The following HERC1 variants were observed in gnomAD, a reference collection of about 807,000 sequenced individuals.
HERC1 encodes the protein HECT and RLD domain containing E3 ubiquitin protein ligase family member 1.
Under a neutral mutation model 554.3 loss-of-function variants are expected in HERC1, and 160 were observed. The ratio of observed to expected loss-of-function variants is 0.29; its 90% CI spans 0.25 to 0.33. The LOEUF is 0.33. HERC1 is among the 10% of genes least tolerant of loss of function. The pLI, the probability that HERC1 is intolerant of heterozygous loss-of-function variation, is 1.00. For synonymous variants in HERC1, 2,175 were observed against 2,131.7 expected, an observed-to-expected ratio of 1.02 and a Z score of -0.56; for missense variants, 4,919 against 5,918.5, an observed-to-expected ratio of 0.83 and a Z score of 5.54.
At chr15:63,751,894 T>C (rs1457174978) in intron 8 of HERC1, among the ~76,000 whole-genome samples, 3 of 152,028 alleles carry the variant, frequency 2.0e-5, no homozygotes, top group African/African-American at 4.8e-5. Context: ...TATTGGATAA[T>C]CTATAGAAAC....
At chr15:63,818,172 TA>T (rs2077561153) in intron 1 of HERC1, among the ~76,000 whole-genome samples, 1 of 152,170 alleles carries the variant, frequency 6.6e-6, no homozygotes, top group Non-Finnish European at 1.5e-5. Context: ...TATTTATTTT[TA>T]AATTTTTTTT....
Position 63,774,668 on chromosome 15 carries a change from T to G in HERC1, c.930+26A>C, listed in dbSNP as rs368001971. 2.0e-6 allele frequency: 3 copies of G among 1,516,164 alleles called. No individual in the cohort carries two copies. In the Admixed American group the frequency reaches 6.6e-5, roughly 34 times the overall value. 93.9% of individuals were successfully genotyped at this position (1,516,164 alleles called of 1,614,324 possible). A position where few individuals can be genotyped will look rare whatever the true frequency, so the allele number is the denominator to read the frequency against. On this transcript the variant is annotated intron_variant, in intron 2 of 77. Coordinates refer to ENST00000443617, the MANE Select transcript of HERC1 (RefSeq NM_003922.4). ...ACTTTTCCAAAAACTATTATGAACT[T>G]TAAAGTTGAGACTTATAGTACGTAC...
intron 1 of HERC1, among the ~76,000 whole-genome samples, chr15:63,827,851 T>C (rs905279532): frequency 2.0e-5 from 3 of 152,130 alleles, no homozygotes; most frequent in Admixed American, 6.6e-5. Context: ...GGATGAACCT[T>C]GACAAAATTA....
In HERC1 at chr15:63,716,195, C is replaced by T. The variant is rs1357889702; in HGVS notation, c.4150+107G>A. 1.2e-4 allele frequency: 122 copies of T among 992,048 alleles called. 2 individuals are homozygous for T. The highest frequency in any genetic ancestry group is 1.1e-3 in the South Asian group (69 of 62,968). 61.5% of individuals were successfully genotyped at this position (992,048 alleles called of 1,614,324 possible). On this transcript the variant is annotated intron_variant, in intron 22 of 77. Coordinates refer to ENST00000443617, the MANE Select transcript of HERC1 (RefSeq NM_003922.4). ...TGAGATCACCAGCAGAATATAAAGTCCTTTTAGAAAAACTATGGAGAAACT... is the reference window on the plus strand; with the variant it reads ...TGAGATCACCAGCAGAATATAAAGTTCTTTTAGAAAAACTATGGAGAAACT...
intron 65 of HERC1, among the ~76,000 whole-genome samples, chr15:63,635,421 G>A (rs991325642): frequency 1.3e-5 from 2 of 152,118 alleles, no homozygotes; most frequent in East Asian, 1.9e-4. Flanking sequence ...GCCTCAGGAA[G>A]CCCAAGCTGA....
In HERC1 at chr15:63,734,957, G is replaced by T; in HGVS notation, c.2521-108C>A. On this transcript the variant is annotated intron_variant, in intron 12 of 77. Coordinates refer to ENST00000443617, the MANE Select transcript of HERC1 (RefSeq NM_003922.4). The surrounding 1 kb of genome is among the most constrained non-coding windows in gnomAD (Gnocchi z 4.6). ...ACTAGGATCATGTAAGTCTAAAAAA[G>T]ATGGCATGATAAAAAAGAAAGCATG... The T allele has an allele frequency of 1.1e-6, 1 of 903,934 alleles. No homozygotes were observed. The allele number at this position is 903,934 out of a possible 1,614,324, so 56.0% of individuals were successfully genotyped here.
intron 42 of HERC1, among the ~76,000 whole-genome samples, chr15:63,665,302 GGTGGGTGGAT>G (rs2070565252): frequency 6.6e-6 from 1 of 152,210 alleles, no homozygotes; most frequent in Non-Finnish European, 1.5e-5. Flanking sequence ...GGAAGACCAA[GGTGGGTGGAT>G]CACGAAGTCT....
chr15:63,773,835 G>A (rs1021707808), intron 2 of HERC1, among the ~76,000 whole-genome samples: 5 of 152,130 alleles, frequency 3.3e-5, no homozygotes, highest in Admixed American at 6.6e-5. Flanking sequence ...ATGAGACACC[G>A]CACCCAGCCT....
chr15:63,744,154 G>GTGTGTGTGTGTGTGTGTGTGTGTC (rs1567077976), intron 12 of HERC1, among the ~76,000 whole-genome samples: 15 of 42,124 alleles, frequency 3.6e-4, no homozygotes, highest in Non-Finnish European at 8.1e-4. Flanking sequence ...GTGTGTGTGT[G>GTGTGTGTGTGTGTGTGTGTGTGTC]TGTGTGTGTG....
At chr15:63,703,775 T>C in intron 25 of HERC1, among the ~76,000 whole-genome samples, 1 of 151,956 alleles carries the variant, frequency 6.6e-6, no homozygotes, top group East Asian at 1.9e-4. Context: ...CATAGTGGCA[T>C]GTGCCTGCAG....
At chr15:63,731,701 G>A (rs1036868905) in intron 14 of HERC1, among the ~76,000 whole-genome samples, 3 of 152,154 alleles carry the variant, frequency 2.0e-5, no homozygotes, top group African/African-American at 4.8e-5. Flanking sequence ...AAAAGAGTAC[G>A]TAGACCAGAC....
Position 63,640,255 on chromosome 15 carries a change from G to A in HERC1, c.11798C>T (p.Thr3933Ile). The A allele has an allele frequency of 6.2e-7, 1 of 1,613,968 alleles. No individual in the cohort carries two copies. The highest frequency in any genetic ancestry group is 8.5e-7 in the Non-Finnish European group (1 of 1,179,834). The change falls in exon 61 of 78, where the codon ACT becomes ATT. Residue 3933 changes from threonine to isoleucine, a missense_variant. This residue lies in a region of HERC1 where 1,963 missense variants were observed against 2,228.6 expected (regional missense o/e 0.88). Transcript: ENST00000443617. ...GGTCAGGGCTTCGGCAGCTTTTATA[G>A]TGGTTGAGAAACATTCTAACCAGGC... is the stretch of plus-strand genomic sequence containing the variant. ...EWAWLECFST[T>I]IKAAEALTNG... is the part of the protein sequence containing the mutation.
intron 52 of HERC1, among the ~76,000 whole-genome samples, chr15:63,652,092 T>A (rs1039894280): frequency 1.3e-5 from 2 of 152,122 alleles, no homozygotes; most frequent in African/African-American, 4.8e-5. Context: ...TACATTCTGA[T>A]ACGGAAGCAA....
chr15:63,657,891 T>C (rs896284535), intron 48 of HERC1, among the ~76,000 whole-genome samples: 2 of 152,156 alleles, frequency 1.3e-5, no homozygotes, highest in African/African-American at 4.8e-5. Context: ...AAAACAGCCT[T>C]TCTCTATTGC....
Position 63,672,497 on chromosome 15 carries a change from TGAG to T in HERC1, c.8041_8043del (p.Leu2681del). The T allele has an allele frequency of 6.3e-7, 1 of 1,584,852 alleles. No individual in the cohort carries two copies. On this transcript the variant is annotated inframe_deletion and splice_region_variant, in exon 39 of 78. Coordinates refer to ENST00000443617, the MANE Select transcript of HERC1 (RefSeq NM_003922.4). ...GACATTAAAGGTCAACTTCTCTACC[TGAG>T]AAGACTAAGAGGCATCACTCCCGGG...
At chr15:63,662,315 T>TA (rs943365535) in intron 44 of HERC1, among the ~76,000 whole-genome samples, 42 of 149,166 alleles carry the variant, frequency 2.8e-4, no homozygotes, top group South Asian at 8.5e-4. Context: ...TGAGGCTTTT[T>TA]AAAAAAAAAA....
chr15:63,634,898 A>G lies in HERC1; in HGVS notation c.12415-10T>C, dbSNP rs761628465. The G allele has an allele frequency of 1.3e-6, 2 of 1,568,188 alleles. No individual in the cohort carries two copies. Among genetic ancestry groups the G allele is most frequent in the Middle Eastern group, 1.7e-4 (1 of 5,844 alleles). On this transcript the variant is annotated splice_polypyrimidine_tract_variant and intron_variant, in intron 65 of 77. Coordinates refer to ENST00000443617, the MANE Select transcript of HERC1 (RefSeq NM_003922.4). ...TGAAGCCACAAGACATCTAAGACAG[A>G]ACCAAGGAGAAAGAAAATTTTTAAG...
intron 24 of HERC1, among the ~76,000 whole-genome samples, chr15:63,712,146 A>G (rs1463356305): frequency 1.3e-5 from 2 of 152,228 alleles, no homozygotes; most frequent in East Asian, 1.9e-4. Context: ...GAGGAGGTAT[A>G]AACAGATTTG....
chr15:63,650,920 A>C (rs954227902), intron 53 of HERC1, among the ~76,000 whole-genome samples: 1 of 152,258 alleles, frequency 6.6e-6, no homozygotes, highest in Admixed American at 6.5e-5. Context: ...AATAAACATA[A>C]TAGAAATATT....
Sources: allele counts gnomAD v4.1 joint callset (sites outside exome capture counted in the v4.1 genomes callset), GRCh38; gene constraint gnomAD v4.1.1; regional missense constraint gnomAD v4.1.1; non-coding constraint Gnocchi (gnomAD v3.1); transcripts MANE v1.5; gene names NCBI Gene and HGNC (gene_info 2026-07-23, HGNC 2026-07-21).